TRAPPC10: variants seen among roughly 807,000 people sequenced by gnomAD.
TRAPPC10 encodes TRAPP 130 kDa subunit.
A neutral mutation model predicts 125.5 loss-of-function variants in TRAPPC10; 23 were observed. The ratio of observed to expected loss-of-function variants is 0.18; its 90% confidence interval spans 0.13 to 0.26. TRAPPC10 has a LOEUF of 0.26. Among genes scored for constraint, TRAPPC10 ranks in the 10% least tolerant of loss-of-function variants. The pLI, the probability that TRAPPC10 is intolerant of heterozygous loss-of-function variation, is 1.00. For missense variants in TRAPPC10, 1,123 were observed against 1,308.4 expected (o/e 0.86, Z 2.19); for synonymous variants, 509 against 518.0 (o/e 0.98, Z 0.24).
intron 17 of TRAPPC10, chr21:44,089,303 C>T: frequency 2.9e-6 from 1 of 347,838 alleles, no homozygotes; most frequent in South Asian, 2.1e-5. Context: ...TTGCTTCCTT[C>T]CTGCCCTTAA....
At chr21:44,071,751 C>T (rs1158503339) in intron 7 of TRAPPC10, among the ~76,000 whole-genome samples, 1 of 152,186 alleles carries the variant, frequency 6.6e-6, no homozygotes. Flanking sequence ...AGCTGTGATT[C>T]TCCTGGGAAA....
intron 1 of TRAPPC10, among the ~76,000 whole-genome samples, chr21:44,016,124 A>G (rs564064839): frequency 6.6e-6 from 1 of 152,374 alleles, no homozygotes; most frequent in African/African-American, 2.4e-5. Flanking sequence ...TGACCGAATC[A>G]TAGCAATAGG....
At chr21:44,040,338 TTC>T (rs532057370) in intron 3 of TRAPPC10, among the ~76,000 whole-genome samples, 5 of 152,032 alleles carry the variant, frequency 3.3e-5, no homozygotes, top group South Asian at 2.1e-4. Context: ...TTTTTAAAAA[TTC>T]TCTCTCTCTT....
intron 3 of TRAPPC10, among the ~76,000 whole-genome samples, chr21:44,040,441 C>T (rs2034330542): frequency 1.3e-5 from 2 of 151,906 alleles, no homozygotes; most frequent in South Asian, 4.1e-4. Flanking sequence ...CTCCCGGGCT[C>T]AAGTGATTGT....
At chr21:44,081,134 G>A (rs974274039) in intron 13 of TRAPPC10, among the ~76,000 whole-genome samples, 1 of 149,628 alleles carries the variant, frequency 6.7e-6, no homozygotes, top group Non-Finnish European at 1.5e-5. Flanking sequence ...TCTTACTTTG[G>A]CTTCCTGAGT....
At chr21:44,052,180 A>T in intron 3 of TRAPPC10, 100 bp from the exon 4 acceptor site, 1 of 1,061,398 alleles carries the variant, frequency 9.4e-7, no homozygotes, top group Non-Finnish European at 1.4e-6. Flanking sequence ...CTGATGCTTT[A>T]AAACATTGCG....
chr21:44,079,696 A>G lies in TRAPPC10; in HGVS notation c.1602A>G (p.Gln534=). The G allele has an allele frequency of 1.2e-6, 2 of 1,604,068 alleles. No homozygotes were observed. The highest frequency in any genetic ancestry group is 2.2e-5 in the East Asian group (1 of 44,836). ...CCGAATGTCAAAAGCACCTTGGACA[A>G]ATTGAAAAGTATCCTTTAATGTTTT... ...QLAECQKHLG[Q]IENYLQTSSL... The change falls in exon 12 of 23, where the codon CAA becomes CAG. Residue 534 remains glutamine, a synonymous_variant. Coordinates refer to ENST00000291574, the MANE Select transcript of TRAPPC10 (RefSeq NM_003274.5).
At chr21:44,066,608 C>T (rs2245380) in intron 7 of TRAPPC10, among the ~76,000 whole-genome samples, 47,396 of 151,996 alleles carry the variant, frequency 0.31, 10,347 homozygotes, top group African/African-American at 0.62. Context: ...GACAAATATA[C>T]GAAGAAAATG....
chr21:44,091,868 A>G, intron 18 of TRAPPC10, 55 bp from the exon 19 acceptor site: 5 of 1,556,260 alleles, frequency 3.2e-6, no homozygotes, highest in Middle Eastern at 2.3e-4. Context: ...AAGCTAAGAT[A>G]TATTTAATAA....
intron 4 of TRAPPC10, among the ~76,000 whole-genome samples, chr21:44,054,039 C>T (rs1013241114): frequency 2.6e-5 from 4 of 152,166 alleles, no homozygotes; most frequent in African/African-American, 9.7e-5. Context: ...GTTTCCATTT[C>T]CATTCACCCC....
At chr21:44,069,048 T>C (rs2036660531) in intron 7 of TRAPPC10, among the ~76,000 whole-genome samples, 1 of 151,854 alleles carries the variant, frequency 6.6e-6, no homozygotes, top group Non-Finnish European at 1.5e-5. Context: ...ACATGAAAAA[T>C]AAAATAAGAA....
chr21:44,019,465 A>G (rs536888259), intron 1 of TRAPPC10, among the ~76,000 whole-genome samples: 4 of 152,008 alleles, frequency 2.6e-5, no homozygotes, highest in African/African-American at 9.7e-5. Flanking sequence ...TTCTTCCTCA[A>G]ATCTTTCCTC....
rs8126991 is a variant in TRAPPC10, at chr21:44,088,894, G to A, written c.2770-939G>A. 2.7e-4 allele frequency: 45 copies of A among 164,002 alleles called. No individual in the cohort carries two copies. The Middle Eastern group carries it at 9.1e-3, about 33-fold the overall frequency. The allele number at this position is 164,002 out of a possible 1,614,324, so 10.2% of individuals were successfully genotyped here. On this transcript the variant is annotated intron_variant, in intron 17 of 22. Transcript: ENST00000291574. ...GTGCCGTGTTATCCTCTCTTCCCTG[G>A]CGCTGGCGGCACCTGTGCTGTGTGC...
chr21:44,085,080 A>G (rs1438091784), intron 15 of TRAPPC10, among the ~76,000 whole-genome samples: 10 of 152,036 alleles, frequency 6.6e-5, no homozygotes, highest in Admixed American at 6.6e-4. Context: ...CTGATGAGCA[A>G]CTCGACCTTC....
intron 3 of TRAPPC10, among the ~76,000 whole-genome samples, chr21:44,050,641 A>G (rs1294117197): frequency 6.6e-6 from 1 of 152,186 alleles, no homozygotes; most frequent in Non-Finnish European, 1.5e-5. Flanking sequence ...TCTATGCTTC[A>G]AGTCCCAAGA....
At chr21:44,040,786 T>C (rs2034362410) in intron 3 of TRAPPC10, among the ~76,000 whole-genome samples, 1 of 141,088 alleles carries the variant, frequency 7.1e-6, no homozygotes, top group Non-Finnish European at 1.5e-5. Flanking sequence ...TTTTTTTTTT[T>C]GGTGTTTTTA....
intron 15 of TRAPPC10, among the ~76,000 whole-genome samples, chr21:44,084,946 C>T (rs1476286610): frequency 1.3e-5 from 2 of 152,200 alleles, no homozygotes; most frequent in Middle Eastern, 3.2e-3. Flanking sequence ...GCTTCCACGC[C>T]CTCCCTGGGC....
intron 1 of TRAPPC10, among the ~76,000 whole-genome samples, chr21:44,027,335 G>A (rs1002255651): frequency 2.6e-5 from 4 of 152,128 alleles, no homozygotes; most frequent in Non-Finnish European, 5.9e-5. Flanking sequence ...TTATACTTTT[G>A]TATGAGTAAG....
At chr21:44,047,106 T>G in intron 3 of TRAPPC10, 1 of 609,142 alleles carries the variant, frequency 1.6e-6, no homozygotes, top group Non-Finnish European at 3.1e-6. Context: ...CATGGCGAGA[T>G]CCCACCACCT....
Sources: gnomAD v4.1 joint callset for allele counts (sites outside exome capture counted in the v4.1 genomes callset) on GRCh38, gnomAD v4.1.1 for gene constraint, MANE v1.5 for transcripts, NCBI Gene and HGNC (gene_info 2026-07-23, HGNC 2026-07-21) for gene names.